Variants in TPX2 observed in about 807,000 individuals in gnomAD.
TPX2 encodes the protein targeting protein for Xklp2.
TPX2 carries 21 observed loss-of-function variants against 93.6 expected under a neutral mutation model. The ratio of observed to expected loss-of-function variants is 0.22; its 90% CI spans 0.16 to 0.32. TPX2 has a LOEUF of 0.32. Ranked by LOEUF, TPX2 falls within the 10% of genes least tolerant of loss-of-function variation. The probability of loss-of-function intolerance (pLI) is 1.00; values close to 1 mark genes in which losing one functional copy is unlikely to be tolerated. For missense variants in TPX2, 776 were observed against 871.1 expected, an observed-to-expected ratio of 0.89 and a Z score of 1.37; for synonymous variants, 281 against 298.3, an observed-to-expected ratio of 0.94 and a Z score of 0.60.
intron 2 of TPX2, among the ~76,000 whole-genome samples, chr20:31,749,454 A>G (rs1421535148): frequency 1.3e-5 from 2 of 152,184 alleles, no homozygotes; most frequent in Non-Finnish European, 2.9e-5. Flanking sequence ...GAGTTAATAC[A>G]TGTAAGACAC....
intron 9 of TPX2, 44 bp from the exon 10 acceptor site, chr20:31,778,769 T>G: frequency 6.7e-7 from 1 of 1,502,342 alleles, no homozygotes; most frequent in Non-Finnish European, 8.9e-7. Flanking sequence ...AGATGTGAGC[T>G]CTTCCGTGAC....
In TPX2 at chr20:31,775,963, C is replaced by T. The variant is rs758419607; in HGVS notation, c.705C>T (p.Phe235=). The T allele has an allele frequency of 2.7e-6, 4 of 1,486,714 alleles. No homozygotes were observed. The highest frequency in any genetic ancestry group is 2.7e-6 in the Non-Finnish European group (3 of 1,104,234). The allele number at this position is 1,486,714 out of a possible 1,614,324, so 92.1% of individuals were successfully genotyped here. Residue 235 remains phenylalanine (F), a synonymous_variant, in exon 8 of 18, where the codon TTC becomes TTT. Coordinates refer to ENST00000300403, the MANE Select transcript of TPX2 (RefSeq NM_012112.5). The stretch of plus-strand genomic sequence containing the variant: ...AGATGCGGAAAAAGAATGAAGAATT[C>T]AAGAAACTTGCTCTGGCTGGAATAG... ...VVEMRKKNEE[F]KKLALAGIGQ... is the part of the protein sequence containing the mutation.
Position 31,775,975 on chromosome 20 carries a change from T to C in TPX2, c.717T>C (p.Ala239=). Residue 239 remains alanine (A), a synonymous_variant, in exon 8 of 18, where the codon GCT becomes GCC. Transcript: ENST00000300403. The part of the protein sequence containing the change: ...RKKNEEFKKL[A]LAGIGQPVKK... ...AGAATGAAGAATTCAAGAAACTTGC[T>C]CTGGCTGGAATAGGTGAGCTTGGCT... 6.5e-7 allele frequency: 1 copy of C among 1,545,762 alleles called. No individual in the cohort carries two copies. Among genetic ancestry groups the C allele is most frequent in the Non-Finnish European group, 8.8e-7 (1 of 1,139,102 alleles).
intron 9 of TPX2, 110 bp downstream of exon 9, chr20:31,777,748 G>C: frequency 2.6e-6 from 3 of 1,164,522 alleles, no homozygotes; most frequent in Non-Finnish European, 3.5e-6. Flanking sequence ...AAAAAACCTT[G>C]TGTCTATAAA....
At chr20:31,744,799 T>C (rs1209605824) in intron 2 of TPX2, among the ~76,000 whole-genome samples, 2 of 152,182 alleles carry the variant, frequency 1.3e-5, no homozygotes, top group African/African-American at 4.8e-5. Context: ...AGAATGCGTA[T>C]TTTTGGCCGG....
chr20:31,793,737 A>T, intron 13 of TPX2, 111 bp from the exon 14 acceptor site: 1 of 1,088,492 alleles, frequency 9.2e-7, no homozygotes. Flanking sequence ...GACTTCCTTT[A>T]ATTTTGTTTT....
chr20:31,798,783 G>T (rs2062153481), intron 17 of TPX2, among the ~76,000 whole-genome samples: 1 of 152,146 alleles, frequency 6.6e-6, no homozygotes, highest in Non-Finnish European at 1.5e-5. Flanking sequence ...CCCTTTTTAG[G>T]AACCAACCTG....
In TPX2 at chr20:31,801,186, C is replaced by T; in HGVS notation, c.*106C>T. On this transcript the variant is annotated 3_prime_UTR_variant, in exon 18 of 18. Transcript: ENST00000300403. ...TGGGCATGGAGAGAACCCATTTCTC[C>T]AGACTTTTACCTACCCGTGCCTGAG... The T allele has an allele frequency of 1.0e-6, 1 of 959,528 alleles. No homozygotes were observed. Among genetic ancestry groups the T allele is most frequent in the South Asian group, 1.5e-5 (1 of 67,404 alleles). The allele number at this position is 959,528 out of a possible 1,614,324, so 59.4% of individuals were successfully genotyped here.
At chr20:31,787,276 T>G (rs1364815685) in intron 12 of TPX2, among the ~76,000 whole-genome samples, 1 of 150,276 alleles carries the variant, frequency 6.7e-6, no homozygotes, top group Non-Finnish European at 1.5e-5. Flanking sequence ...TATTGTACCC[T>G]ACAATGCTTA....
intron 6 of TPX2, among the ~76,000 whole-genome samples, 164 bp downstream of exon 6, chr20:31,770,635 A>G (rs1228144699): frequency 1.3e-5 from 2 of 152,158 alleles, no homozygotes; most frequent in Admixed American, 1.3e-4. Context: ...AATGCCTAAA[A>G]CTGTGACCAT....
At chr20:31,756,624 T>G (rs1298280710) in intron 2 of TPX2, among the ~76,000 whole-genome samples, 1 of 151,928 alleles carries the variant, frequency 6.6e-6, no homozygotes, top group Non-Finnish European at 1.5e-5. Flanking sequence ...TTATTTTTAT[T>G]TATTATTATT....
intron 2 of TPX2, among the ~76,000 whole-genome samples, chr20:31,750,818 T>C (rs1335577334): frequency 6.6e-6 from 1 of 152,228 alleles, no homozygotes; most frequent in Middle Eastern, 3.2e-3. Context: ...GTCATGAATA[T>C]TTAATAAAAA....
At position 31,800,982 on chromosome 20, in the gene TPX2, A is replaced by T; in HGVS notation, c.2146A>T (p.Asn716Tyr). ...CCTTACTTTGCAGGTGCATAAGGCA[A>T]ATCCAATACGCAAGTACCAGGGTCT... The part of the protein sequence containing the change: ...RLRRELVHKA[N>Y]PIRKYQGLEI... Residue 716 changes from asparagine to tyrosine, a missense_variant, in exon 18 of 18, where the codon AAT (asparagine) becomes TAT (tyrosine). By Grantham distance (143) the Asn-to-Tyr change is moderately radical. Around this residue, in one of 3 missense-constraint regions of TPX2, gnomAD observed 461 missense variants for 551.2 expected, o/e 0.84. Coordinates refer to ENST00000300403, the MANE Select transcript of TPX2 (RefSeq NM_012112.5). 8.1e-6 allele frequency: 13 copies of T among 1,614,122 alleles called. No homozygotes were observed. Among genetic ancestry groups the T allele is most frequent in the Non-Finnish European group, 1.1e-5 (13 of 1,179,974 alleles).
chr20:31,751,273 G>A (rs561502411), intron 2 of TPX2, among the ~76,000 whole-genome samples: 1 of 152,308 alleles, frequency 6.6e-6, no homozygotes, highest in South Asian at 2.1e-4. Flanking sequence ...TGGGGTTGCT[G>A]CATGTTACAT....
rs369060726 is a variant in TPX2, at chr20:31,783,185, C to T, written c.1197-520C>T. Among the ~76,000 whole-genome samples the T allele has an allele frequency of 2.4e-3, 372 of 152,150 alleles. 2 individuals are homozygous for T. Among genetic ancestry groups the T allele is most frequent in the African/African-American group, 8.5e-3 (351 of 41,476 alleles). ...TCTTCTGTGAAGTGAAGCCTCAATT[C>T]TTAAGTGGTAGGGATGTTAGGACTG... On this transcript the variant is annotated intron_variant, in intron 11 of 17. Transcript: ENST00000300403.
intron 6 of TPX2, among the ~76,000 whole-genome samples, chr20:31,771,327 A>T (rs2061963319): frequency 6.6e-6 from 1 of 152,148 alleles, no homozygotes; most frequent in Admixed American, 6.6e-5. Flanking sequence ...TACTCTTCCA[A>T]ACCACCACTA....
At chr20:31,796,341 G>A (rs531992182) in intron 15 of TPX2, among the ~76,000 whole-genome samples, 121 of 152,198 alleles carry the variant, frequency 8.0e-4, no homozygotes, top group Non-Finnish European at 1.6e-3. Flanking sequence ...ATACTTCAGT[G>A]TATATATTTA....
chr20:31,775,676 A>T (rs1232862022), intron 7 of TPX2, among the ~76,000 whole-genome samples, 191 bp from the exon 8 acceptor site: 1 of 152,162 alleles, frequency 6.6e-6, no homozygotes, highest in African/African-American at 2.4e-5. Context: ...ATGCCTGGCC[A>T]AAGTGTGCAT....
rs755061300 is a variant in TPX2, at chr20:31,797,480, C to A, written c.1910C>A (p.Pro637His). The change falls in exon 16 of 18, where the codon CCC (proline) becomes CAC (histidine). Residue 637 changes from proline to histidine, a missense_variant. Around this residue, in one of 3 missense-constraint regions of TPX2, gnomAD observed 461 missense variants for 551.2 expected, o/e 0.84. Transcript: ENST00000300403. The part of the protein sequence containing the change: ...ARPNTVISQE[P>H]FVPKKEKKSV... ...CCAAACACCGTCATCTCTCAGGAGC[C>A]CTTTGTTCCCAAGAAAGAGAAGAAA... 2 of 1,613,922 alleles carry A rather than the reference C, an allele frequency of 1.2e-6. No homozygotes were observed. The highest frequency in any genetic ancestry group is 1.3e-5 in the African/African-American group (1 of 75,004).
Sources: allele counts gnomAD v4.1 joint callset (sites outside exome capture counted in the v4.1 genomes callset), GRCh38; gene constraint gnomAD v4.1.1; regional missense constraint gnomAD v4.1.1; transcripts MANE v1.5; gene names NCBI Gene and HGNC (gene_info 2026-07-23, HGNC 2026-07-21).